The following SGCZ variants were observed in gnomAD, a reference collection of about 807,000 sequenced individuals.
SGCZ encodes the protein sarcoglycan zeta.
Under a neutral mutation model 41.3 loss-of-function variants are expected in SGCZ, and 40 were observed. That is an observed-to-expected ratio of 0.97 (90% CI 0.75 to 1.26). The LOEUF (loss-of-function observed/expected upper bound fraction) is 1.26, where lower values mean the gene tolerates loss of function less well. Ranked by LOEUF, SGCZ falls within the 50% of genes most tolerant of loss-of-function variation. The pLI is 0.00. For missense variants in SGCZ, 552 were observed against 369.8 expected (o/e 1.49, Z -4.04); for synonymous variants, 206 against 137.5 (o/e 1.50, Z -3.49).
In SGCZ at chr8:15,150,694, A is replaced by G. The variant is rs17655807; in HGVS notation, c.39+86891T>C. On this transcript the variant is annotated intron_variant, in intron 1 of 7. Transcript: ENST00000382080. ...AAAATTGTATCAAGAGAAACAAAGA[A>G]GCTGACTTTTTATTTTCCTAAATTC... Among the ~76,000 whole-genome samples, 896 of 152,332 alleles carry G rather than the reference A, an allele frequency of 5.9e-3. 22 individuals carry two copies. In the East Asian group the frequency reaches 0.074, roughly 13 times the overall value.
At chr8:14,703,777 T>C (rs1258946380) in intron 1 of SGCZ, among the ~76,000 whole-genome samples, 2 of 152,000 alleles carry the variant, frequency 1.3e-5, no homozygotes, top group African/African-American at 4.8e-5. Context: ...TGAAGAGCCA[T>C]GTCAAGCAAT....
intron 1 of SGCZ, among the ~76,000 whole-genome samples, chr8:14,758,145 C>T (rs1196922209): frequency 2.6e-5 from 4 of 152,038 alleles, no homozygotes; most frequent in African/African-American, 4.8e-5. Context: ...TATTTCTCTC[C>T]TTATGCACAT....
intron 1 of SGCZ, among the ~76,000 whole-genome samples, chr8:14,599,282 A>G (rs1805511315): frequency 6.6e-6 from 1 of 152,166 alleles, no homozygotes; most frequent in Non-Finnish European, 1.5e-5. Context: ...TGCAATGTCT[A>G]TCATTATAAT....
At chr8:14,562,506 T>C (rs576648107) in intron 1 of SGCZ, among the ~76,000 whole-genome samples, 3 of 152,232 alleles carry the variant, frequency 2.0e-5, no homozygotes, top group East Asian at 3.9e-4. Context: ...ACAAATATAA[T>C]GGACATGGTA....
chr8:15,016,215 C>T (rs1803027687), intron 1 of SGCZ, among the ~76,000 whole-genome samples: 3 of 152,258 alleles, frequency 2.0e-5, no homozygotes, highest in South Asian at 4.1e-4. Context: ...CCATTCCATC[C>T]CTTCCCATCC....
At chr8:14,139,910 G>GAT (rs963406850) in intron 5 of SGCZ, among the ~76,000 whole-genome samples, 1 of 152,134 alleles carries the variant, frequency 6.6e-6, no homozygotes, top group African/African-American at 2.4e-5. Flanking sequence ...CAATATCCCT[G>GAT]ATAAACATCG....
At chr8:14,819,220 A>C (rs967705394) in intron 1 of SGCZ, among the ~76,000 whole-genome samples, 4 of 152,170 alleles carry the variant, frequency 2.6e-5, no homozygotes, top group African/African-American at 7.2e-5. Flanking sequence ...CCATTAGACT[A>C]TCAGAAGATT....
chr8:14,559,792 T>C (rs1804153492), intron 1 of SGCZ, among the ~76,000 whole-genome samples: 1 of 152,126 alleles, frequency 6.6e-6, no homozygotes, highest in African/African-American at 2.4e-5. Context: ...TAACGGTAGA[T>C]AATTCATAGC....
intron 4 of SGCZ, among the ~76,000 whole-genome samples, chr8:14,224,398 T>C (rs995674831): frequency 6.6e-6 from 1 of 152,082 alleles, no homozygotes; most frequent in Non-Finnish European, 1.5e-5. Context: ...GGGGCAGACA[T>C]AGAGGGAATA....
At chr8:15,097,912 G>T (rs9918868) in intron 1 of SGCZ, among the ~76,000 whole-genome samples, 98,176 of 122,302 alleles carry the variant, frequency 0.8, 38,435 homozygotes, top group Admixed American at 0.85. Flanking sequence ...ATATATATAC[G>T]TGTGTATATA....
chr8:14,448,245 G>A (rs937003016), intron 2 of SGCZ, among the ~76,000 whole-genome samples: 1 of 152,108 alleles, frequency 6.6e-6, no homozygotes, highest in African/African-American at 2.4e-5. Context: ...GCTTGTACGT[G>A]GCCACTGGTA....
At chr8:15,056,839 T>C (rs1270926648) in intron 1 of SGCZ, among the ~76,000 whole-genome samples, 2 of 152,146 alleles carry the variant, frequency 1.3e-5, no homozygotes, top group East Asian at 3.9e-4. Flanking sequence ...GTGTCAGCAA[T>C]CAAGCACCTG....
chr8:14,309,536 AAAG>A, intron 3 of SGCZ: 1 of 1,610,366 alleles, frequency 6.2e-7, no homozygotes, highest in Non-Finnish European at 8.5e-7. Flanking sequence ...ATGTGAAAAC[AAAG>A]AAGCTGTTAC....
chr8:14,381,073 T>C (rs1460706736), intron 2 of SGCZ, among the ~76,000 whole-genome samples: 1 of 151,922 alleles, frequency 6.6e-6, no homozygotes, highest in Non-Finnish European at 1.5e-5. Flanking sequence ...TCTGACTTGA[T>C]CATAATTAGC....
intron 2 of SGCZ, among the ~76,000 whole-genome samples, chr8:14,507,763 T>TG (rs1001474138): frequency 3.0e-5 from 2 of 66,222 alleles, no homozygotes; most frequent in African/African-American, 1.6e-4. Flanking sequence ...TTTGTTTGTT[T>TG]TTTTGTTTTT....
chr8:14,154,260 G>C (rs931728906), intron 5 of SGCZ, among the ~76,000 whole-genome samples: 8 of 152,014 alleles, frequency 5.3e-5, no homozygotes, highest in African/African-American at 1.9e-4. Context: ...GTCCCAGCTA[G>C]CAGGAGGCTG....
At chr8:15,049,229 G>A (rs1302184893) in intron 1 of SGCZ, among the ~76,000 whole-genome samples, 2 of 152,134 alleles carry the variant, frequency 1.3e-5, no homozygotes, top group Admixed American at 1.3e-4. Context: ...GGGCTAAGTA[G>A]GTTAACAGTT....
At chr8:15,103,126 T>G (rs1408182832) in intron 1 of SGCZ, among the ~76,000 whole-genome samples, 1 of 152,072 alleles carries the variant, frequency 6.6e-6, no homozygotes, top group African/African-American at 2.4e-5. Flanking sequence ...CACAGCTCAG[T>G]GCAGTGGCTC....
At chr8:14,875,603 C>G (rs1256610996) in intron 1 of SGCZ, among the ~76,000 whole-genome samples, 1 of 152,124 alleles carries the variant, frequency 6.6e-6, no homozygotes, top group South Asian at 2.1e-4. Context: ...CACTGTACCA[C>G]TTTGGACTGT....
Sources: gnomAD v4.1 joint callset for allele counts (sites outside exome capture counted in the v4.1 genomes callset) on GRCh38, gnomAD v4.1.1 for gene constraint, MANE v1.5 for transcripts, NCBI Gene and HGNC (gene_info 2026-07-23, HGNC 2026-07-21) for gene names.